CHM: variants seen among roughly 807,000 people sequenced by gnomAD.
CHM encodes rab proteins geranylgeranyltransferase component A 1.
CHM carries 10 observed loss-of-function variants against 49.0 expected under a neutral mutation model. The observed-to-expected ratio is 0.20, with a 90% CI of 0.13 to 0.35. The LOEUF (loss-of-function observed/expected upper bound fraction) is 0.35, where lower values mean the gene tolerates loss of function less well. CHM is among the 10% of genes least tolerant of loss of function. The pLI is 1.00. For synonymous variants in CHM, 184 were observed against 167.5 expected, an observed-to-expected ratio of 1.10 and a Z score of -0.76; for missense variants, 455 against 478.4, an observed-to-expected ratio of 0.95 and a Z score of 0.46.
chrX:86,000,509 T>C (rs761556829), intron 2 of CHM, among the ~76,000 whole-genome samples: 1 of 38,861 alleles, frequency 2.6e-5, no homozygotes, highest in Non-Finnish European at 4.3e-5. Flanking sequence ...ACTGGGAATA[T>C]ATTCAAAAAA....
chrX:85,875,351 G>A (rs1377961658), intron 13 of CHM, among the ~76,000 whole-genome samples: 1 of 111,893 alleles, frequency 8.9e-6, no homozygotes, highest in Non-Finnish European at 1.9e-5. Context: ...AAGTTGCCAG[G>A]GGTAGAACTG....
chrX:86,026,512 T>TAC (rs1933831059), intron 2 of CHM, among the ~76,000 whole-genome samples: 1 of 111,120 alleles, frequency 9.0e-6, no homozygotes, highest in Admixed American at 9.7e-5. Context: ...CAGTCGTGCA[T>TAC]ACAATAGTGA....
chrX:86,015,095 T>C (rs756102172), intron 2 of CHM, among the ~76,000 whole-genome samples: 20 of 110,979 alleles, frequency 1.8e-4, no homozygotes, highest in Non-Finnish European at 3.6e-4. Flanking sequence ...TAGAAACTTC[T>C]TCATGTGTCA....
chrX:85,934,269 T>C (rs868098833), intron 8 of CHM, among the ~76,000 whole-genome samples: 1 of 102,300 alleles, frequency 9.8e-6, no homozygotes, highest in Non-Finnish European at 2.0e-5. Flanking sequence ...CATGAGCCAC[T>C]GCGCTCAGCC....
chrX:85,907,515 G>T (rs1926676580), intron 9 of CHM, among the ~76,000 whole-genome samples: 1 of 112,404 alleles, frequency 8.9e-6, no homozygotes, highest in Non-Finnish European at 1.9e-5. Context: ...TAGTGAAAAG[G>T]TTTAGAAAAG....
chrX:85,936,186 T>A (rs1168501804), intron 8 of CHM, among the ~76,000 whole-genome samples: 4 of 111,957 alleles, frequency 3.6e-5, no homozygotes, highest in African/African-American at 1.3e-4. Flanking sequence ...ACATAAATTA[T>A]TAGCTAATTT....
chrX:85,992,560 A>G (rs187753655), intron 2 of CHM, among the ~76,000 whole-genome samples: 47 of 111,334 alleles, frequency 4.2e-4, no homozygotes, highest in African/African-American at 1.2e-3. Flanking sequence ...CCCTACACAA[A>G]TTCTCATTTA....
At chrX:86,019,301 G>A (rs1266552812) in intron 2 of CHM, among the ~76,000 whole-genome samples, 1 of 111,923 alleles carries the variant, frequency 8.9e-6, no homozygotes, top group East Asian at 2.8e-4. Flanking sequence ...TCATGGGAGA[G>A]AACTAATGTG....
At chrX:85,922,161 C>T (rs751437590) in intron 8 of CHM, among the ~76,000 whole-genome samples, 2 of 112,031 alleles carry the variant, frequency 1.8e-5, no homozygotes, top group South Asian at 3.8e-4. Context: ...TTGTGGGTTA[C>T]ATACTTATAT....
intron 2 of CHM, among the ~76,000 whole-genome samples, chrX:85,995,137 G>A (rs775150158): frequency 3.7e-5 from 4 of 108,999 alleles, no homozygotes; most frequent in Non-Finnish European, 5.7e-5. Flanking sequence ...ATGTCAATAC[G>A]GATTTCAGTG....
At chrX:85,956,556 T>C (rs1357812125) in intron 7 of CHM, among the ~76,000 whole-genome samples, 178 bp from the exon 8 acceptor site, 2 of 111,394 alleles carry the variant, frequency 1.8e-5, no homozygotes, top group African/African-American at 6.5e-5. Context: ...CTCTCTTATT[T>C]GGAGTAATGG....
At chrX:85,872,332 GT>G (rs1326911572) in intron 14 of CHM, among the ~76,000 whole-genome samples, 1 of 111,945 alleles carries the variant, frequency 8.9e-6, no homozygotes, top group African/African-American at 3.2e-5. Flanking sequence ...TTTTCTGTTT[GT>G]TTTCGTCCTG....
chrX:85,973,340 GAAAGA>G (rs1170545284), intron 4 of CHM, among the ~76,000 whole-genome samples: 7 of 50,391 alleles, frequency 1.4e-4, no homozygotes, highest in African/African-American at 5.1e-4. Flanking sequence ...AAGAAAGAAA[GAAAGA>G]AATCAAACCA....
intron 2 of CHM, among the ~76,000 whole-genome samples, chrX:86,006,190 A>C (rs1296388294): frequency 2.7e-5 from 3 of 111,822 alleles, no homozygotes; most frequent in Admixed American, 9.5e-5. Flanking sequence ...AGGTGCAGAA[A>C]AGGCCTTTGA....
chrX:85,870,834 A>G (rs1332147977), intron 14 of CHM, among the ~76,000 whole-genome samples: 1 of 111,609 alleles, frequency 9.0e-6, no homozygotes, highest in Non-Finnish European at 1.9e-5. Context: ...GGAGCACACA[A>G]TTTGAACTTG....
At chrX:85,895,794 A>C (rs1298873371) in intron 11 of CHM, among the ~76,000 whole-genome samples, 3 of 111,945 alleles carry the variant, frequency 2.7e-5, no homozygotes, top group Non-Finnish European at 5.6e-5. Flanking sequence ...AAGAGATAGA[A>C]GCCACTAAGA....
chrX:86,021,057 CAT>C (rs1287108577), intron 2 of CHM, among the ~76,000 whole-genome samples: 2 of 94,170 alleles, frequency 2.1e-5, no homozygotes, highest in Non-Finnish European at 4.2e-5. Flanking sequence ...TATATACACA[CAT>C]ATATATACAC....
chrX:85,950,299 T>C (rs1323900921), intron 8 of CHM, among the ~76,000 whole-genome samples: 1 of 105,674 alleles, frequency 9.5e-6, no homozygotes, highest in Non-Finnish European at 1.9e-5. Context: ...AATATTAGAG[T>C]TATCAGAAAG....
rs200976693 is a variant in CHM at position 86,005,131 on chromosome X, AT to A, written c.116+22359del. On this transcript the variant is annotated intron_variant, in intron 2 of 14. Coordinates refer to ENST00000357749, the MANE Select transcript of CHM (RefSeq NM_000390.4). The stretch of plus-strand genomic sequence containing the variant: ...AACTCACTCAAAACTGCATAACCAC[AT>A]GGAAACTGAACAACTTGCTCCTGAA... 6.1e-3 allele frequency among the ~76,000 whole-genome samples: 685 copies of A among 112,215 alleles called. 4 individuals carry two copies. The highest frequency in any genetic ancestry group is 0.02 in the African/African-American group (615 of 30,857).
Sources: gnomAD v4.1 joint callset for allele counts (sites outside exome capture counted in the v4.1 genomes callset) on GRCh38, gnomAD v4.1.1 for gene constraint, MANE v1.5 for transcripts, NCBI Gene and HGNC (gene_info 2026-07-23, HGNC 2026-07-21) for gene names.